The following ABCC8 variants were observed in gnomAD, a reference collection of about 807,000 sequenced individuals.
ABCC8 encodes ATP-binding cassette sub-family C member 8.
Under a neutral mutation model 188.0 loss-of-function variants are expected in ABCC8, and 137 were observed. That is an observed-to-expected ratio of 0.73 (90% CI 0.63 to 0.84). The LOEUF (loss-of-function observed/expected upper bound fraction) is 0.84. Ranked by LOEUF, ABCC8 falls within the 40% of genes least tolerant of loss-of-function variation. ABCC8 has a pLI of 0.00. For synonymous variants in ABCC8, 797 were observed against 846.5 expected (o/e 0.94, Z 1.01); for missense variants, 1,750 against 2,072.7 (o/e 0.84, Z 3.02).
intron 19 of ABCC8, 164 bp from the exon 20 acceptor site, chr11:17,413,642 A>C: frequency 7.2e-7 from 1 of 1,386,894 alleles, no homozygotes; most frequent in African/African-American, 1.4e-5. Context: ...GCTTGAAAAG[A>C]GCTGAGGTCA....
chr11:17,443,010 C>G, intron 9 of ABCC8, 128 bp from the exon 10 acceptor site: 1 of 1,527,760 alleles, frequency 6.5e-7, no homozygotes. Context: ...GCCTCCTCCC[C>G]CATTGACTCC....
intron 17 of ABCC8, 52 bp downstream of exon 17, chr11:17,416,878 C>G (rs1435316083): frequency 6.2e-7 from 1 of 1,602,520 alleles, no homozygotes; most frequent in East Asian, 2.2e-5. Flanking sequence ...CACCCCCACC[C>G]TACCCCTTCC....
intron 12 of ABCC8, chr11:17,430,281 G>A (rs1336468394): frequency 1.6e-5 from 3 of 190,632 alleles, no homozygotes; most frequent in Non-Finnish European, 3.3e-5. Context: ...GAGCCTGGAA[G>A]TGGGAGCCTC....
intron 23 of ABCC8, 102 bp downstream of exon 23, chr11:17,408,290 G>A: frequency 8.6e-7 from 1 of 1,157,550 alleles, no homozygotes; most frequent in Non-Finnish European, 1.3e-6. Flanking sequence ...CCTTTAGGGG[G>A]CTTCCTGGGG....
chr11:17,407,317 C>T (rs1954590239), intron 24 of ABCC8, 37 bp downstream of exon 24: 2 of 1,614,034 alleles, frequency 1.2e-6, no homozygotes, highest in African/African-American at 1.3e-5. Context: ...GATCAGACCT[C>T]AGGCCATAAT....
In ABCC8 at chr11:17,394,550, G is replaced by A. The variant is rs118117634; in HGVS notation, c.4412-151C>T. 33,644 of 1,407,172 alleles carry A rather than the reference G, an allele frequency of 0.024. 509 individuals are homozygous for A. Among genetic ancestry groups the A allele is most frequent in the Non-Finnish European group, 0.029 (29,331 of 1,028,954 alleles). The allele number at this position is 1,407,172 out of a possible 1,614,324, so 87.2% of individuals were successfully genotyped here. The stretch of plus-strand genomic sequence containing the variant: ...AAGAGCACAGGCGTGTGCAGGGCTG[G>A]TGCACCTGACACAACAATGTGGAGG... On this transcript the variant is annotated intron_variant, in intron 36 of 38. Coordinates refer to ENST00000389817, the MANE Select transcript of ABCC8 (RefSeq NM_000352.6).
At chr11:17,396,146 G>A in intron 33 of ABCC8, 1 of 1,150,876 alleles carries the variant, frequency 8.7e-7, no homozygotes, top group Non-Finnish European at 1.2e-6. Context: ...GCAAGTGCAG[G>A]CATGGATGTC....
chr11:17,467,091 C>T (rs1418367089), intron 3 of ABCC8, among the ~76,000 whole-genome samples: 1 of 146,616 alleles, frequency 6.8e-6, no homozygotes, highest in Non-Finnish European at 1.5e-5. Context: ...CACACAACTT[C>T]CCATTGCTGT....
intron 6 of ABCC8, among the ~76,000 whole-genome samples, chr11:17,457,544 T>C (rs1246825267): frequency 1.3e-5 from 2 of 152,204 alleles, no homozygotes. Context: ...TCTAATTCTC[T>C]TGTCCTTCAG....
chr11:17,427,366 A>G lies in ABCC8; in HGVS notation c.2117-212T>C, dbSNP rs1955628702. 1 of 546,218 alleles carries G rather than the reference A, an allele frequency of 1.8e-6. No individual in the cohort carries two copies. Among genetic ancestry groups the G allele is most frequent in the African/African-American group, 2.1e-5 (1 of 48,252 alleles). 33.8% of individuals were successfully genotyped at this position (546,218 alleles called of 1,614,324 possible). A position where few individuals can be genotyped will look rare whatever the true frequency, so the allele number is the denominator to read the frequency against. ...CTCCCCAGGTCCTTCCCCCTCTCTG[A>G]TTTCCTGCCCCGCCACCCTTCCTAA... On this transcript the variant is annotated intron_variant, in intron 15 of 38. Coordinates refer to ENST00000389817, the MANE Select transcript of ABCC8 (RefSeq NM_000352.6). This position sits in a 1 kb window ranked among gnomAD's most constrained non-coding sequence, Gnocchi z 5.0.
At chr11:17,413,373 C>T (rs751588588) in intron 20 of ABCC8, 21 bp downstream of exon 20, 90 of 1,614,018 alleles carry the variant, frequency 5.6e-5, no homozygotes, top group Non-Finnish European at 7.2e-5. Flanking sequence ...TTGAAAAAAC[C>T]CCTCAGAGGC....
chr11:17,437,927 T>G (rs1476711169), intron 10 of ABCC8, among the ~76,000 whole-genome samples: 1 of 152,184 alleles, frequency 6.6e-6, no homozygotes, highest in Non-Finnish European at 1.5e-5. Flanking sequence ...GGCGAAACCC[T>G]GTCTCTACTA....
chr11:17,420,394 G>A (rs1309975704), intron 16 of ABCC8, among the ~76,000 whole-genome samples: 4 of 152,158 alleles, frequency 2.6e-5, no homozygotes, highest in Admixed American at 2.0e-4. Flanking sequence ...ACAGCCAGGG[G>A]CCATCTGGTT....
intron 21 of ABCC8, among the ~76,000 whole-genome samples, chr11:17,411,548 T>C (rs796551889): frequency 4.6e-5 from 7 of 152,110 alleles, no homozygotes; most frequent in South Asian, 4.1e-4. Flanking sequence ...GGAATAAAGC[T>C]GGAATCAGAG....
chr11:17,443,164 C>T lies in ABCC8; in HGVS notation c.1467+14G>A, dbSNP rs201260319. 12 of 1,614,018 alleles carry T rather than the reference C, an allele frequency of 7.4e-6. No individual in the cohort carries two copies. The highest frequency in any genetic ancestry group is 1.0e-5 in the Non-Finnish European group (12 of 1,179,966). The stretch of plus-strand genomic sequence containing the variant: ...GGGAAGAGGGACAAAACACACACAC[C>T]TTTGGGCACTCACCAGTGTGCTCCG... On this transcript the variant is annotated intron_variant, in intron 9 of 38. Coordinates refer to ENST00000389817, the MANE Select transcript of ABCC8 (RefSeq NM_000352.6).
At chr11:17,467,042 C>CCACACACACACA (rs569546580) in intron 3 of ABCC8, among the ~76,000 whole-genome samples, 3,542 of 132,340 alleles carry the variant, frequency 0.027, 80 homozygotes, top group East Asian at 0.052. Flanking sequence ...ACATGTTAAA[C>CCACACACACACA]CACACACACA....
In ABCC8 at chr11:17,396,902, G is replaced by A; in HGVS notation, c.4119+14C>T. ...CGCCTGTCCTGCAGCATTGGGTTGG[G>A]CCCGTGCTCTGACCTTCTGTCCAGG... is the stretch of plus-strand genomic sequence containing the variant. On this transcript the variant is annotated intron_variant, in intron 33 of 38. Transcript: ENST00000389817. 1 of 1,613,394 alleles carries A rather than the reference G, an allele frequency of 6.2e-7. No individual in the cohort carries two copies.
rs1956877098 is a variant in ABCC8 at position 17,453,236 on chromosome 11, G to A, written c.1059C>T (p.Ala353=). Residue 353 remains alanine, a synonymous_variant, in exon 7 of 39, where the codon GCC becomes GCT. Coordinates refer to ENST00000389817, the MANE Select transcript of ABCC8 (RefSeq NM_000352.6). ...VYFVSSQEFL[A]NAYVLAVLLF... ...GAAGCACAGCTAAGACGTAGGCATTGGCAAGGAACTCTTGGGATGAGACAA... is the reference window on the plus strand; with the variant it reads ...GAAGCACAGCTAAGACGTAGGCATTAGCAAGGAACTCTTGGGATGAGACAA... 2.5e-6 allele frequency: 4 copies of A among 1,614,164 alleles called. No individual in the cohort carries two copies. The highest frequency in any genetic ancestry group is 3.4e-6 in the Non-Finnish European group (4 of 1,180,024).
At chr11:17,409,994 C>G (rs1954730968) in intron 22 of ABCC8, among the ~76,000 whole-genome samples, 1 of 152,120 alleles carries the variant, frequency 6.6e-6, no homozygotes, top group South Asian at 2.1e-4. Context: ...TCAAGTGATC[C>G]TCTTGTCCTG....
Sources: gnomAD v4.1 joint callset for allele counts (sites outside exome capture counted in the v4.1 genomes callset) on GRCh38, gnomAD v4.1.1 for gene constraint, Gnocchi (gnomAD v3.1) non-coding constraint, MANE v1.5 for transcripts, NCBI Gene and HGNC (gene_info 2026-07-23, HGNC 2026-07-21) for gene names.